The following HECW2 variants were observed in gnomAD, a reference collection of about 807,000 sequenced individuals.
HECW2 encodes E3 ubiquitin-protein ligase HECW2.
A neutral mutation model predicts 175.2 loss-of-function variants in HECW2; 61 were observed. The observed-to-expected ratio is 0.35, with a 90% CI of 0.28 to 0.43. HECW2 has a LOEUF of 0.43. HECW2 is among the 20% of genes least tolerant of loss of function. The probability of loss-of-function intolerance (pLI) is 1.00; values close to 1 mark genes in which losing one functional copy is unlikely to be tolerated. For missense variants in HECW2, 1,524 were observed against 2,000.5 expected, an observed-to-expected ratio of 0.76 and a Z score of 4.54; for synonymous variants, 671 against 731.0, an observed-to-expected ratio of 0.92 and a Z score of 1.32.
At chr2:196,487,464 T>G (rs143857483) in intron 1 of HECW2, among the ~76,000 whole-genome samples, 1 of 152,184 alleles carries the variant, frequency 6.6e-6, no homozygotes, top group Non-Finnish European at 1.5e-5. Flanking sequence ...TGTTTATTTC[T>G]GGGAAAATGT....
intron 2 of HECW2, among the ~76,000 whole-genome samples, chr2:196,367,507 C>G (rs866542735): frequency 1.9e-4 from 29 of 152,168 alleles, no homozygotes; most frequent in African/African-American, 3.6e-4. Flanking sequence ...CAATTATACT[C>G]TTAGTTACTT....
chr2:196,447,943 C>T lies in HECW2; in HGVS notation c.-35-14485G>A, dbSNP rs1696235298. Among the ~76,000 whole-genome samples, 5 of 152,166 alleles carry T rather than the reference C, an allele frequency of 3.3e-5. No individual in the cohort carries two copies. The South Asian group carries it at 1.0e-3, about 32-fold the overall frequency. On this transcript the variant is annotated intron_variant, in intron 1 of 28. Transcript: ENST00000644978. ...GCGTGGTGGCGCACACCTGTAGTCC[C>T]AGCTACTCAGGAGGCTGAGACAGGA...
chr2:196,213,961 GAAGC>G (rs2105796251), intron 28 of HECW2, among the ~76,000 whole-genome samples: 1 of 152,274 alleles, frequency 6.6e-6, no homozygotes, highest in East Asian at 1.9e-4. Context: ...GGTGGGACTA[GAAGC>G]TAGGTCTTTT....
chr2:196,368,749 T>C (rs1693824900), intron 2 of HECW2, among the ~76,000 whole-genome samples: 1 of 152,126 alleles, frequency 6.6e-6, no homozygotes, highest in African/African-American at 2.4e-5. Flanking sequence ...TCAATTCTGC[T>C]GCTAAGAGTC....
chr2:196,376,708 G>A (rs760749653), intron 2 of HECW2, among the ~76,000 whole-genome samples: 6 of 151,160 alleles, frequency 4.0e-5, no homozygotes, highest in South Asian at 2.1e-4. Context: ...TGAAGCAGGC[G>A]GATCAACCTG....
chr2:196,353,034 T>A (rs1017484384), intron 2 of HECW2, among the ~76,000 whole-genome samples: 2 of 152,186 alleles, frequency 1.3e-5, no homozygotes, highest in African/African-American at 4.8e-5. Context: ...GCTTGCAGTG[T>A]CCACAGGACA....
At chr2:196,477,566 T>C (rs968022134) in intron 1 of HECW2, among the ~76,000 whole-genome samples, 77 of 152,214 alleles carry the variant, frequency 5.1e-4, no homozygotes, top group African/African-American at 1.8e-3. Context: ...TCACACAAAG[T>C]CTATGCTATT....
chr2:196,394,818 C>A (rs962166698), intron 2 of HECW2, among the ~76,000 whole-genome samples: 2 of 152,134 alleles, frequency 1.3e-5, no homozygotes, highest in African/African-American at 4.8e-5. Context: ...GAAGTTGGAC[C>A]ATGTCTTAGT....
At chr2:196,338,390 G>GGGA (rs1197256878) in intron 3 of HECW2, among the ~76,000 whole-genome samples, 1 of 152,126 alleles carries the variant, frequency 6.6e-6, no homozygotes, top group Non-Finnish European at 1.5e-5. Context: ...CATGAAGCTG[G>GGGA]GGAGACGTTT....
chr2:196,563,029 G>A (rs1690060034), intron 1 of HECW2, among the ~76,000 whole-genome samples: 1 of 152,056 alleles, frequency 6.6e-6, no homozygotes, highest in Non-Finnish European at 1.5e-5. Context: ...GAGAGACCCT[G>A]TCTCAAAAAT....
intron 1 of HECW2, among the ~76,000 whole-genome samples, chr2:196,489,492 T>C (rs1687116328): frequency 6.6e-6 from 1 of 152,168 alleles, no homozygotes; most frequent in Non-Finnish European, 1.5e-5. Context: ...ATGGTTCCAC[T>C]CTATAATGAA....
At chr2:196,516,359 C>G (rs1412860690) in intron 1 of HECW2, among the ~76,000 whole-genome samples, 1 of 152,108 alleles carries the variant, frequency 6.6e-6, no homozygotes, top group Admixed American at 6.5e-5. Context: ...TGCAGTCTAC[C>G]AAGTTACAAA....
chr2:196,312,334 A>C (rs1691528367), intron 10 of HECW2, among the ~76,000 whole-genome samples: 1 of 152,220 alleles, frequency 6.6e-6, no homozygotes, highest in South Asian at 2.1e-4. Context: ...TAAATGTATA[A>C]ATCCACTATA....
chr2:196,472,313 G>T (rs1405213139), intron 1 of HECW2, among the ~76,000 whole-genome samples: 3 of 151,422 alleles, frequency 2.0e-5, no homozygotes, highest in African/African-American at 7.3e-5. Context: ...GAGAAACCCT[G>T]TCTCTACTAA....
chr2:196,281,402 C>T (rs1376502625), intron 14 of HECW2, among the ~76,000 whole-genome samples: 2 of 152,070 alleles, frequency 1.3e-5, no homozygotes, highest in Non-Finnish European at 2.9e-5. Flanking sequence ...CTTTGGAAGG[C>T]TGAGGTAGGT....
intron 1 of HECW2, among the ~76,000 whole-genome samples, chr2:196,467,104 G>T (rs1696985230): frequency 6.6e-6 from 1 of 152,086 alleles, no homozygotes; most frequent in South Asian, 2.1e-4. Flanking sequence ...GTTGTTAGGG[G>T]TTCCCAAAGA....
At chr2:196,350,752 C>G (rs1693142221) in intron 2 of HECW2, among the ~76,000 whole-genome samples, 1 of 148,006 alleles carries the variant, frequency 6.8e-6, no homozygotes, top group African/African-American at 2.7e-5. Flanking sequence ...CGGGATAAGG[C>G]ACATAGATAT....
intron 2 of HECW2, among the ~76,000 whole-genome samples, chr2:196,387,238 G>A (rs1559081398): frequency 6.6e-6 from 1 of 152,108 alleles, no homozygotes; most frequent in East Asian, 1.9e-4. Flanking sequence ...GTACTTTGGG[G>A]TGCTATGGTC....
intron 1 of HECW2, among the ~76,000 whole-genome samples, chr2:196,582,600 A>T (rs1217728150): frequency 2.0e-5 from 3 of 151,908 alleles, no homozygotes; most frequent in Admixed American, 6.6e-5. Context: ...TTTTTATTTC[A>T]TTTTCTTGGT....
Sources: gnomAD v4.1 joint callset for allele counts (sites outside exome capture counted in the v4.1 genomes callset) on GRCh38, gnomAD v4.1.1 for gene constraint, MANE v1.5 for transcripts, NCBI Gene and HGNC (gene_info 2026-07-23, HGNC 2026-07-21) for gene names.